Variants in PTGER4 observed in about 807,000 individuals in gnomAD.
PTGER4 encodes prostaglandin E receptor 4.
A neutral mutation model predicts 33.2 loss-of-function variants in PTGER4; 11 were observed. The ratio of observed to expected loss-of-function variants is 0.33; its 90% CI spans 0.21 to 0.55. PTGER4 has a LOEUF of 0.55. Among genes scored for constraint, PTGER4 ranks in the 20% least tolerant of loss-of-function variants. The probability of loss-of-function intolerance (pLI) is 0.92; values close to 1 mark genes in which losing one functional copy is unlikely to be tolerated. For missense variants in PTGER4, 481 were observed against 650.2 expected (o/e 0.74, Z 2.83); for synonymous variants, 275 against 281.5 (o/e 0.98, Z 0.23).
the PTGER4 span, among the ~76,000 whole-genome samples, chr5:40,744,861 GTCTT>G: frequency 6.6e-6 from 1 of 152,238 alleles, no homozygotes; most frequent in African/African-American, 2.4e-5. Flanking sequence ...TAGGCACAAT[GTCTT>G]TCTAATGGCT....
the PTGER4 span, among the ~76,000 whole-genome samples, chr5:40,708,354 C>T: frequency 6.6e-6 from 1 of 152,144 alleles, no homozygotes; most frequent in African/African-American, 2.4e-5. Context: ...GGGGAGATCA[C>T]CACTGATCCC....
At chr5:40,703,989 C>A in the PTGER4 span, among the ~76,000 whole-genome samples, 1 of 140,950 alleles carries the variant, frequency 7.1e-6, no homozygotes, top group Admixed American at 7.1e-5. Flanking sequence ...TCTATGAGGC[C>A]ATCATCAGCT....
chr5:40,722,046 G>A, the PTGER4 span, among the ~76,000 whole-genome samples: 1 of 152,162 alleles, frequency 6.6e-6, no homozygotes, highest in South Asian at 2.1e-4. Flanking sequence ...ACTAATCAGG[G>A]AAATGCAAAT....
At chr5:40,740,544 A>G in the PTGER4 span, among the ~76,000 whole-genome samples, 2 of 152,190 alleles carry the variant, frequency 1.3e-5, no homozygotes, top group Non-Finnish European at 2.9e-5. Context: ...CAGCAAGGAT[A>G]AATATCTCAT....
At chr5:40,697,080 AGGAAGG>A (rs1579654289), downstream of PTGER4, among the ~76,000 whole-genome samples, 4 of 77,170 alleles carry the variant, frequency 5.2e-5, no homozygotes, top group South Asian at 4.4e-4. Context: ...AAAGGAAGGA[AGGAAGG>A]AAAGAAAGAG....
At chr5:40,693,749 T>G (rs1741527179), downstream of PTGER4, 1 of 974,644 alleles carries the variant, frequency 1.0e-6, no homozygotes, top group African/African-American at 1.8e-5. Context: ...GAGTTGCATA[T>G]CCTCAGTTTG....
At chr5:40,707,159 G>C in the PTGER4 span, among the ~76,000 whole-genome samples, 39 of 152,116 alleles carry the variant, frequency 2.6e-4, no homozygotes, top group Non-Finnish European at 5.0e-4. Context: ...ATAATGACAG[G>C]ATCAAATTCA....
the PTGER4 span, among the ~76,000 whole-genome samples, chr5:40,711,571 T>C: frequency 0.69 from 104,850 of 151,930 alleles, 36,219 homozygotes; most frequent in East Asian, 0.8. Flanking sequence ...TGTCCACACA[T>C]AGAATTGTGA....
At chr5:40,710,531 G>C in the PTGER4 span, among the ~76,000 whole-genome samples, 450 of 152,282 alleles carry the variant, frequency 3.0e-3, 2 homozygotes, top group African/African-American at 0.01. Context: ...ATTCCTCGGG[G>C]ATCTAGAACT....
the PTGER4 span, among the ~76,000 whole-genome samples, chr5:40,725,150 A>AT: frequency 0.015 from 2,022 of 139,268 alleles, 37 homozygotes; most frequent in African/African-American, 0.041. Flanking sequence ...GCCCAGCCAA[A>AT]TTTTTTTTTT....
At chr5:40,703,186 T>C in the PTGER4 span, among the ~76,000 whole-genome samples, 2 of 150,272 alleles carry the variant, frequency 1.3e-5, no homozygotes, top group African/African-American at 4.9e-5. Context: ...TTCAAAAACA[T>C]TCAAAAGATC....
the PTGER4 span, among the ~76,000 whole-genome samples, chr5:40,716,681 A>C: frequency 6.6e-6 from 1 of 152,204 alleles, no homozygotes; most frequent in Non-Finnish European, 1.5e-5. Flanking sequence ...AAAATTATAG[A>C]AGTGTGAAAG....
In PTGER4 at chr5:40,689,523, A is replaced by G. The variant is rs1203421247; in HGVS notation, c.868-2256A>G. On this transcript the variant is annotated intron_variant, in intron 2 of 2. Transcript: ENST00000302472. The stretch of plus-strand genomic sequence containing the variant: ...TACCCAAATTGTTGAAAATCTTTCT[A>G]TAATATCCTGACCCAAATATTGTTA... 2.6e-5 allele frequency among the ~76,000 whole-genome samples: 4 copies of G among 152,336 alleles called. No individual in the cohort carries two copies. The East Asian group carries it at 5.8e-4, about 22-fold the overall frequency.
At chr5:40,734,036 A>C in the PTGER4 span, among the ~76,000 whole-genome samples, 1 of 152,232 alleles carries the variant, frequency 6.6e-6, no homozygotes, top group East Asian at 1.9e-4. Flanking sequence ...CCCTCAATGA[A>C]ATGTGCTTTG....
the PTGER4 span, among the ~76,000 whole-genome samples, chr5:40,720,130 T>C: frequency 1.3e-5 from 2 of 152,242 alleles, no homozygotes; most frequent in Non-Finnish European, 2.9e-5. Context: ...GAGTCCAAGG[T>C]TACAAAGATT....
chr5:40,741,606 C>A, the PTGER4 span, among the ~76,000 whole-genome samples: 4 of 152,206 alleles, frequency 2.6e-5, no homozygotes, highest in Non-Finnish European at 5.9e-5. Context: ...AAAGTCCAAT[C>A]TCCATCTCCT....
the PTGER4 span, among the ~76,000 whole-genome samples, chr5:40,707,189 T>TA: frequency 6.6e-6 from 1 of 152,160 alleles, no homozygotes; most frequent in Non-Finnish European, 1.5e-5. Context: ...ATATTAACCT[T>TA]AAATGTAAAC....
At chr5:40,696,248 T>G (rs769385006), downstream of PTGER4, among the ~76,000 whole-genome samples, 1 of 152,184 alleles carries the variant, frequency 6.6e-6, no homozygotes, top group Non-Finnish European at 1.5e-5. Flanking sequence ...CCATATGGCC[T>G]CAAATGTTAA....
the PTGER4 span, chr5:40,716,617 T>C: frequency 1.5e-6 from 1 of 675,784 alleles, no homozygotes; most frequent in Admixed American, 3.0e-5. Flanking sequence ...ATTATCTTAA[T>C]GTACTAGAAC....
Sources: allele counts gnomAD v4.1 joint callset (sites outside exome capture counted in the v4.1 genomes callset), GRCh38; gene constraint gnomAD v4.1.1; transcripts MANE v1.5; gene names NCBI Gene and HGNC (gene_info 2026-07-23, HGNC 2026-07-21).